Variants in ATXN7 observed in about 807,000 individuals in gnomAD.
ATXN7 encodes ataxin 7.
In ATXN7, 12 loss-of-function variants were observed where a neutral mutation model predicts 70.5. That is an observed-to-expected ratio of 0.17 (90% confidence interval 0.11 to 0.28). The LOEUF (loss-of-function observed/expected upper bound fraction) is 0.28. Ranked by LOEUF, ATXN7 falls within the 10% of genes least tolerant of loss-of-function variation. The pLI is 1.00. For synonymous variants in ATXN7, 498 were observed against 448.7 expected, an observed-to-expected ratio of 1.11 and a Z score of -1.39; for missense variants, 1,256 against 1,131.7, an observed-to-expected ratio of 1.11 and a Z score of -1.58.
chr3:63,967,945 C>A, intron 5 of ATXN7: 1 of 1,535,900 alleles, frequency 6.5e-7, no homozygotes. Context: ...CCAAAGCAGC[C>A]CTTCTGCGCA....
In ATXN7 at chr3:63,863,880, G is replaced by C; in HGVS notation, c.-389G>C. ...GGTCAAACTCCCACAATGCAGCCGG[G>C]TAAACAGCCATGGAGGAGGAGGCGG... On this transcript the variant is annotated 5_prime_UTR_variant, in exon 1 of 13. Transcript: ENST00000674280. The C allele has an allele frequency of 1.7e-6, 2 of 1,178,878 alleles. No homozygotes were observed. Among genetic ancestry groups the C allele is most frequent in the Non-Finnish European group, 2.1e-6 (2 of 960,166 alleles). 73.0% of individuals were successfully genotyped at this position (1,178,878 alleles called of 1,614,324 possible). A position where few individuals can be genotyped will look rare whatever the true frequency, so the allele number is the denominator to read the frequency against.
intron 5 of ATXN7, among the ~76,000 whole-genome samples, chr3:63,976,717 A>G (rs758072291): frequency 7.9e-5 from 12 of 152,206 alleles, no homozygotes; most frequent in Non-Finnish European, 1.6e-4. Flanking sequence ...CAGTTCTGCT[A>G]TAGCACAACA....
At chr3:63,939,743 A>T (rs914518945) in intron 4 of ATXN7, among the ~76,000 whole-genome samples, 1 of 152,154 alleles carries the variant, frequency 6.6e-6, no homozygotes, top group African/African-American at 2.4e-5. Flanking sequence ...CCAACTCCAC[A>T]GTAACTTTGA....
intron 5 of ATXN7, among the ~76,000 whole-genome samples, chr3:63,972,822 A>C (rs1458213656): frequency 6.6e-6 from 1 of 152,242 alleles, no homozygotes; most frequent in East Asian, 1.9e-4. Context: ...ACACTGGAGA[A>C]GATAACTTAC....
At chr3:63,968,893 G>T (rs1033820727) in intron 5 of ATXN7, among the ~76,000 whole-genome samples, 34 of 152,198 alleles carry the variant, frequency 2.2e-4, no homozygotes, top group African/African-American at 7.2e-4. Flanking sequence ...TTTAATTGAG[G>T]TTGAAATTGA....
intron 5 of ATXN7, among the ~76,000 whole-genome samples, chr3:63,964,170 A>G (rs2075180617): frequency 6.6e-6 from 1 of 152,042 alleles, no homozygotes. Context: ...GTAATACTTA[A>G]TAATATGAGA....
chr3:63,946,798 A>G (rs2074872005), intron 4 of ATXN7, among the ~76,000 whole-genome samples: 2 of 151,998 alleles, frequency 1.3e-5, no homozygotes, highest in Non-Finnish European at 2.9e-5. Flanking sequence ...CCAGAGTCCA[A>G]CCCCCACTTT....
intron 2 of ATXN7, among the ~76,000 whole-genome samples, chr3:63,910,232 T>G (rs529858740): frequency 1.1e-4 from 16 of 152,198 alleles, no homozygotes; most frequent in Non-Finnish European, 2.1e-4. Context: ...AAGCAATGTC[T>G]TGAGGAAGTA....
intron 1 of ATXN7, among the ~76,000 whole-genome samples, chr3:63,888,813 A>G (rs1575850968): frequency 6.6e-6 from 1 of 151,954 alleles, no homozygotes. Context: ...CCCTTGTGCT[A>G]CCCCTTTATA....
At chr3:63,965,601 CTTAAT>C (rs2075208507) in intron 5 of ATXN7, among the ~76,000 whole-genome samples, 2 of 152,212 alleles carry the variant, frequency 1.3e-5, no homozygotes, top group African/African-American at 4.8e-5. Flanking sequence ...AGTCTGTAGT[CTTAAT>C]TTTTTTCTTA....
Position 63,912,923 on chromosome 3 carries a change from G to A in ATXN7, c.325G>A (p.Gly109Arg), listed in dbSNP as rs1036739776. The change falls in exon 3 of 13, where the codon GGG becomes AGG. Residue 109 changes from glycine (G) to arginine (R), a missense_variant and splice_region_variant. Coordinates refer to ENST00000674280, the MANE Select transcript of ATXN7 (RefSeq NM_001377405.1). ...GGCTTCCAAACTTCCTGGGAAGGAC[G>A]GTGAGTGTCCACGCCCTCCTCCCCC... The part of the protein sequence containing the change: ...VEASKLPGKD[G>R]TELDESFKEF... 6 of 1,609,986 alleles carry A rather than the reference G, an allele frequency of 3.7e-6. No individual in the cohort carries two copies. Among genetic ancestry groups the A allele is most frequent in the Admixed American group, 3.3e-5 (2 of 59,878 alleles).
chr3:63,918,831 A>T (rs1241599268), intron 4 of ATXN7, among the ~76,000 whole-genome samples: 1 of 152,070 alleles, frequency 6.6e-6, no homozygotes, highest in Non-Finnish European at 1.5e-5. Context: ...CCTCAGCATC[A>T]CCTCGTGCTT....
In ATXN7 at chr3:63,999,437, T is replaced by A. The variant is rs779584003; in HGVS notation, c.2662-13T>A. On this transcript the variant is annotated splice_polypyrimidine_tract_variant and intron_variant, in intron 12 of 12. Transcript: ENST00000674280. ...ACCATTTCATTATTTCCCCACCCCC[T>A]CTTTTTTGAAAGCCAAAGGCACGTC... The A allele has an allele frequency of 1.9e-6, 3 of 1,608,918 alleles. No homozygotes were observed. Among genetic ancestry groups the A allele is most frequent in the Non-Finnish European group, 2.6e-6 (3 of 1,175,392 alleles).
intron 2 of ATXN7, chr3:63,901,217 A>G (rs1703629380): frequency 6.6e-6 from 1 of 152,182 alleles, no homozygotes; most frequent in Admixed American, 6.5e-5. Context: ...AAATTAACTA[A>G]TTTAATAGCT....
intron 4 of ATXN7, among the ~76,000 whole-genome samples, chr3:63,919,404 G>A (rs746825674): frequency 3.3e-5 from 5 of 152,124 alleles, no homozygotes; most frequent in Non-Finnish European, 7.4e-5. Flanking sequence ...CTGCAGAATC[G>A]CAGAATACAG....
At chr3:63,906,962 A>C (rs1187778375) in intron 2 of ATXN7, among the ~76,000 whole-genome samples, 1 of 152,224 alleles carries the variant, frequency 6.6e-6, no homozygotes, top group African/African-American at 2.4e-5. Flanking sequence ...GGAGCCCCTA[A>C]AAATGTTAGA....
At chr3:63,954,671 G>A (rs1041276145) in intron 5 of ATXN7, among the ~76,000 whole-genome samples, 18 of 149,264 alleles carry the variant, frequency 1.2e-4, no homozygotes, top group African/African-American at 2.0e-4. Flanking sequence ...TTCCCTCTTA[G>A]AATATCAGTG....
intron 8 of ATXN7, among the ~76,000 whole-genome samples, chr3:63,983,380 C>G (rs976989326): frequency 6.6e-6 from 1 of 152,150 alleles, no homozygotes; most frequent in African/African-American, 2.4e-5. Flanking sequence ...AGAAATTTCC[C>G]TTGCGTGTGT....
intron 4 of ATXN7, among the ~76,000 whole-genome samples, chr3:63,942,837 T>C (rs988790943): frequency 6.6e-6 from 1 of 152,272 alleles, no homozygotes; most frequent in African/African-American, 2.4e-5. Flanking sequence ...AGGTTGCTGC[T>C]ATAATCTCTA....
Sources: gnomAD v4.1 joint callset for allele counts (sites outside exome capture counted in the v4.1 genomes callset) on GRCh38, gnomAD v4.1.1 for gene constraint, MANE v1.5 for transcripts, NCBI Gene and HGNC (gene_info 2026-07-23, HGNC 2026-07-21) for gene names.